ENDOV: variants seen among roughly 807,000 people sequenced by gnomAD.
ENDOV encodes the protein endonuclease V.
ENDOV carries 37 observed loss-of-function variants against 39.4 expected under a neutral mutation model. The ratio of observed to expected loss-of-function variants is 0.94; its 90% CI spans 0.72 to 1.23. ENDOV has a LOEUF of 1.23. ENDOV is among the 50% of genes most tolerant of loss of function. The pLI is 0.00. For synonymous variants in ENDOV, 186 were observed against 163.4 expected, an observed-to-expected ratio of 1.14 and a Z score of -1.05; for missense variants, 441 against 375.7, an observed-to-expected ratio of 1.17 and a Z score of -1.44.
intron 8 of ENDOV, among the ~76,000 whole-genome samples, chr17:80,429,016 G>A (rs987795034): frequency 2.0e-5 from 3 of 152,174 alleles, no homozygotes; most frequent in Admixed American, 6.5e-5. Context: ...GCGTGGCCTC[G>A]GAGTCAGACA....
At chr17:80,423,983 T>G in intron 5 of ENDOV, 3 of 181,972 alleles carry the variant, frequency 1.6e-5, no homozygotes, top group East Asian at 1.5e-4. Context: ...CCACCCCGCC[T>G]TGCCCCAGCC....
rs1291553526 is a variant in ENDOV at position 80,423,629 on chromosome 17, G to A, written c.513G>A (p.Glu171=). 1.3e-6 allele frequency: 2 copies of A among 1,550,620 alleles called. No individual in the cohort carries two copies. The highest frequency in any genetic ancestry group is 1.2e-5 in the South Asian group (1 of 84,036). ...DGLENNALHK[E]KIRLLQTRGD... ...TGGAGAACAACGCCCTGCACAAGGA[G>A]AAGGTGAGGAGGGGCCTGCTGCAGG... The change falls in exon 5 of 10, where the codon GAG becomes GAA. Residue 171 remains glutamate, a synonymous_variant. Transcript: ENST00000518137.
chr17:80,415,628 T>G, intron 1 of ENDOV, 22 bp from the exon 2 acceptor site: 1 of 1,608,746 alleles, frequency 6.2e-7, no homozygotes, highest in Non-Finnish European at 8.5e-7. Context: ...CCCGACCAAG[T>G]TTGACGCTTC....
intron 9 of ENDOV, 153 bp downstream of exon 9, chr17:80,429,984 C>T (rs2083207019): frequency 9.7e-6 from 15 of 1,542,672 alleles, no homozygotes; most frequent in Admixed American, 3.9e-5. Flanking sequence ...GGCCTCAGGA[C>T]ACTGACCACC....
At chr17:80,434,733 C>G (rs4494605) in intron 9 of ENDOV, among the ~76,000 whole-genome samples, 102,443 of 151,990 alleles carry the variant, frequency 0.67, 35,489 homozygotes, top group South Asian at 0.82. Flanking sequence ...ATCACTTGAG[C>G]CCAGGAGTTT....
chr17:80,426,694 G>A (rs1395692154), intron 7 of ENDOV, among the ~76,000 whole-genome samples: 1 of 152,192 alleles, frequency 6.6e-6, no homozygotes, highest in Non-Finnish European at 1.5e-5. Context: ...AGGTGTGGCC[G>A]GAGCCAGATG....
chr17:80,430,057 C>T, intron 9 of ENDOV: 1 of 1,535,796 alleles, frequency 6.5e-7, no homozygotes, highest in Non-Finnish European at 8.7e-7. Flanking sequence ...CACCCAGTCC[C>T]CAAAGACAGG....
At chr17:80,429,718 G>A in intron 8 of ENDOV, 55 bp from the exon 9 acceptor site, 1 of 1,521,030 alleles carries the variant, frequency 6.6e-7, no homozygotes, top group Non-Finnish European at 8.9e-7. Context: ...GGTGTGAGGG[G>A]GTGTCAGGTA....
At position 80,423,640 on chromosome 17, in the gene ENDOV, G is replaced by A; in HGVS notation, c.516+8G>A. 1 of 1,549,186 alleles carries A rather than the reference G, an allele frequency of 6.5e-7. No individual in the cohort carries two copies. The highest frequency in any genetic ancestry group is 8.7e-7 in the Non-Finnish European group (1 of 1,147,070). ...GCCCTGCACAAGGAGAAGGTGAGGA[G>A]GGGCCTGCTGCAGGCCATGCCCGGC... On this transcript the variant is annotated splice_region_variant and intron_variant, in intron 5 of 9. Coordinates refer to ENST00000518137, the MANE Select transcript of ENDOV (RefSeq NM_173627.5).
chr17:80,432,225 C>T (rs2145137491), intron 9 of ENDOV, among the ~76,000 whole-genome samples: 1 of 152,258 alleles, frequency 6.6e-6, no homozygotes, highest in African/African-American at 2.4e-5. Context: ...ACATAGGTCT[C>T]TTGCCCAGCG....
chr17:80,420,527 C>T (rs535815265), intron 2 of ENDOV: 3 of 152,278 alleles, frequency 2.0e-5, no homozygotes, highest in East Asian at 3.9e-4. Flanking sequence ...CAGAGCACTC[C>T]GTCTGCTTTG....
chr17:80,420,747 T>C (rs1040952378), intron 2 of ENDOV, among the ~76,000 whole-genome samples: 3 of 152,230 alleles, frequency 2.0e-5, no homozygotes, highest in African/African-American at 4.8e-5. Context: ...CATGTTGTGC[T>C]CTAAACTGCA....
intron 2 of ENDOV, 70 bp from the exon 3 acceptor site, chr17:80,421,758 A>T: frequency 6.5e-7 from 1 of 1,537,208 alleles, no homozygotes; most frequent in Middle Eastern, 1.9e-4. Context: ...GGGGCAGGGC[A>T]TGGACGGACT....
chr17:80,430,010 G>A, intron 9 of ENDOV, 179 bp downstream of exon 9: 1 of 1,536,780 alleles, frequency 6.5e-7, no homozygotes, highest in East Asian at 2.4e-5. Context: ...GGGTGGTCTA[G>A]GGACTTAGGG....
At position 80,426,517 on chromosome 17, in the gene ENDOV, G is replaced by T. The variant is rs192646844; in HGVS notation, c.714+897G>T. On this transcript the variant is annotated intron_variant, in intron 7 of 9. Transcript: ENST00000518137. ...TAAAAACAAATTAGCCAAGTGTGGT[G>T]GTGCGTGCCTGTGGTCTCTGCTACT... 1.4e-3 allele frequency among the ~76,000 whole-genome samples: 211 copies of T among 152,330 alleles called. 1 individual carries two copies. Among genetic ancestry groups the T allele is most frequent in the Non-Finnish European group, 1.6e-3 (109 of 68,028 alleles).
chr17:80,427,686 T>C, intron 7 of ENDOV: 1 of 1,278,758 alleles, frequency 7.8e-7, no homozygotes, highest in Non-Finnish European at 1.0e-6. Context: ...CCTGCTCTGT[T>C]CCAGAAGGTC....
chr17:80,421,895 G>T lies in ENDOV; in HGVS notation c.296G>T (p.Arg99Leu), dbSNP rs370977155. The part of the protein sequence containing the change: ...APYVSGFLAF[R>L]EVPFLLELVQ... ...TACGTGTCGGGCTTCCTGGCCTTCCGAGAGGTGCCCTTCTTGCTGGAGCTG... is the reference window on the plus strand; with the variant it reads ...TACGTGTCGGGCTTCCTGGCCTTCCTAGAGGTGCCCTTCTTGCTGGAGCTG... The change falls in exon 3 of 10, where the codon CGA (arginine) becomes CTA (leucine). Residue 99 changes from arginine to leucine, a missense_variant. Physicochemically the swap from Arg to Leu is moderately radical, Grantham distance 102. Coordinates refer to ENST00000518137, the MANE Select transcript of ENDOV (RefSeq NM_173627.5). The T allele has an allele frequency of 6.2e-7, 1 of 1,610,136 alleles. No individual in the cohort carries two copies.
intron 9 of ENDOV, chr17:80,430,267 G>A (rs2083245840): frequency 2.0e-6 from 3 of 1,483,456 alleles, no homozygotes; most frequent in Non-Finnish European, 2.7e-6. Context: ...GGGACTCGGA[G>A]CTGCAGCCTG....
intron 9 of ENDOV, chr17:80,430,483 A>AC: frequency 1.1e-6 from 1 of 874,114 alleles, no homozygotes; most frequent in Non-Finnish European, 1.6e-6. Context: ...ACACTGAACC[A>AC]CCTCTGCCCT....
Sources: gnomAD v4.1 joint callset for allele counts (sites outside exome capture counted in the v4.1 genomes callset) on GRCh38, gnomAD v4.1.1 for gene constraint, MANE v1.5 for transcripts, NCBI Gene and HGNC (gene_info 2026-07-23, HGNC 2026-07-21) for gene names.